CUL4A: variants seen among roughly 807,000 people sequenced by gnomAD.
The protein encoded by CUL4A is cullin-4A.
A neutral mutation model predicts 95.5 loss-of-function variants in CUL4A; 16 were observed. That is an observed-to-expected ratio of 0.17 (90% CI 0.11 to 0.25). The LOEUF (loss-of-function observed/expected upper bound fraction) is 0.25, where lower values mean the gene tolerates loss of function less well. Ranked by LOEUF, CUL4A falls within the 10% of genes least tolerant of loss-of-function variation. CUL4A has a pLI of 1.00. For synonymous variants in CUL4A, 380 were observed against 353.1 expected (o/e 1.08, Z -0.85); for missense variants, 610 against 937.0 (o/e 0.65, Z 4.56).
In CUL4A at chr13:113,233,276, G is replaced by A. The variant is rs539198540; in HGVS notation, c.612G>A (p.Arg204=). The change falls in exon 6 of 20, where the codon AGG becomes AGA. Residue 204 remains arginine, a synonymous_variant. Coordinates refer to ENST00000375440, the MANE Select transcript of CUL4A (RefSeq NM_001008895.4). ...TCCTACTGCTGATCGAGCGCGAGAG[G>A]AGCGGCGAGGCCGTGGACCGGAGCC... ...DGILLLIERE[R]SGEAVDRSLL... 21 of 1,613,966 alleles carry A rather than the reference G, an allele frequency of 1.3e-5. No homozygotes were observed. In the South Asian group the frequency reaches 2.2e-4, roughly 17 times the overall value.
intron 15 of CUL4A, among the ~76,000 whole-genome samples, chr13:113,249,472 G>C (rs981568946): frequency 6.6e-6 from 1 of 152,168 alleles, no homozygotes; most frequent in African/African-American, 2.4e-5. Flanking sequence ...ACATTGTATC[G>C]ATAGGTCACA....
At chr13:113,242,241 G>A (rs945542473) in intron 10 of CUL4A, among the ~76,000 whole-genome samples, 6 of 151,744 alleles carry the variant, frequency 4.0e-5, no homozygotes, top group African/African-American at 9.7e-5. Flanking sequence ...CTCCAGCCTG[G>A]TGACAAAGCG....
At chr13:113,229,355 T>C in intron 4 of CUL4A, 91 bp from the exon 5 acceptor site, 3 of 1,048,234 alleles carry the variant, frequency 2.9e-6, no homozygotes, top group Non-Finnish European at 4.3e-6. Flanking sequence ...GCTGTTGGAT[T>C]TGAGACAGCT....
intron 2 of CUL4A, among the ~76,000 whole-genome samples, chr13:113,217,136 T>G (rs1472867405): frequency 6.6e-6 from 1 of 152,176 alleles, no homozygotes; most frequent in Non-Finnish European, 1.5e-5. Flanking sequence ...TACTGTTGAT[T>G]TTTGCTGAAG....
intron 10 of CUL4A, among the ~76,000 whole-genome samples, chr13:113,241,893 G>A (rs1426006576): frequency 9.2e-5 from 14 of 151,996 alleles, no homozygotes; most frequent in Admixed American, 3.3e-4. Context: ...CTATTGAGAC[G>A]AATTTTTTAA....
rs549940799 is a variant in CUL4A at position 113,213,528 on chromosome 13, A to C, written c.264+3440A>C. On this transcript the variant is annotated intron_variant, in intron 2 of 19. Coordinates refer to ENST00000375440, the MANE Select transcript of CUL4A (RefSeq NM_001008895.4). Reference sequence around the variant, plus strand: ...CTCTCAGAGGTCTTTGGTTTAATAAAATATGATACCTTACAGCTAAAGCTT... The same window carrying C: ...CTCTCAGAGGTCTTTGGTTTAATAACATATGATACCTTACAGCTAAAGCTT... Among the ~76,000 whole-genome samples the C allele has an allele frequency of 5.1e-4, 77 of 152,348 alleles. 1 individual carries two copies. The highest frequency in any genetic ancestry group is 4.1e-4 in the South Asian group (2 of 4,826).
intron 18 of CUL4A, 31 bp downstream of exon 18, chr13:113,255,156 G>A (rs766960113): frequency 2.6e-6 from 4 of 1,540,096 alleles, no homozygotes; most frequent in South Asian, 2.4e-5. Flanking sequence ...TTTACTTATA[G>A]GGGGTTTAGC....
rs530951176 is a variant in CUL4A at position 113,243,588 on chromosome 13, A to T, written c.1228+428A>T. 2.5e-4 allele frequency among the ~76,000 whole-genome samples: 38 copies of T among 150,646 alleles called. 1 individual carries two copies. In the South Asian group the frequency reaches 6.7e-3, roughly 27 times the overall value. On this transcript the variant is annotated intron_variant, in intron 11 of 19. Transcript: ENST00000375440. ...TCATAGGCTTTCTCTAGTCAGTAAA[A>T]TTTTTTTTTTAATTCGAAGGAGAAA...
intron 3 of CUL4A, among the ~76,000 whole-genome samples, chr13:113,220,997 G>A (rs1023096208): frequency 3.9e-5 from 6 of 152,232 alleles, no homozygotes; most frequent in Non-Finnish European, 8.8e-5. Flanking sequence ...AAGATCTTGA[G>A]TTGAGAACTG....
chr13:113,254,843 G>A (rs2139283640), intron 17 of CUL4A, 45 bp downstream of exon 17: 6 of 1,580,418 alleles, frequency 3.8e-6, no homozygotes, highest in Non-Finnish European at 5.2e-6. Flanking sequence ...TGTTCTTAAA[G>A]CATGTATTTG....
chr13:113,229,776 G>T, intron 5 of CUL4A: 1 of 482,574 alleles, frequency 2.1e-6, no homozygotes, highest in African/African-American at 2.0e-5. Flanking sequence ...GAAGACAGAG[G>T]GTCTTGGTTT....
In CUL4A at chr13:113,229,502, C is replaced by T. The variant is rs535478472; in HGVS notation, c.495C>T (p.Ser165=). 12 of 1,613,452 alleles carry T rather than the reference C, an allele frequency of 7.4e-6. No homozygotes were observed. The East Asian group carries it at 2.5e-4, about 33-fold the overall frequency. Residue 165 remains serine, a synonymous_variant, in exon 5 of 20, where the codon TCC becomes TCT. Coordinates refer to ENST00000375440, the MANE Select transcript of CUL4A (RefSeq NM_001008895.4). The part of the protein sequence containing the change: ...FLDRTYVLQN[S]TLPSIWDMGL... ...ACCGCACCTATGTGCTGCAGAACTCCACGCTGCCCTCCATCTGGTGAGTGT... is the reference window on the plus strand; with the variant it reads ...ACCGCACCTATGTGCTGCAGAACTCTACGCTGCCCTCCATCTGGTGAGTGT...
At chr13:113,222,964 G>A (rs1870403408) in intron 3 of CUL4A, among the ~76,000 whole-genome samples, 1 of 152,178 alleles carries the variant, frequency 6.6e-6, no homozygotes, top group African/African-American at 2.4e-5. Context: ...GAAGATGAGA[G>A]GAGAACCTGG....
At chr13:113,212,839 T>G (rs8001506) in intron 2 of CUL4A, among the ~76,000 whole-genome samples, 37,122 of 152,094 alleles carry the variant, frequency 0.24, 5,246 homozygotes, top group East Asian at 0.55. Context: ...ATGTCCAGTT[T>G]TTCAGTCTCT....
chr13:113,210,151 C>A (rs1373563550), intron 2 of CUL4A, 63 bp downstream of exon 2: 8 of 1,171,790 alleles, frequency 6.8e-6, no homozygotes, highest in African/African-American at 6.5e-5. Flanking sequence ...CGCGGCCGGG[C>A]GGCCGCTCCG....
rs2139284216 is a variant in CUL4A, at chr13:113,254,954, G to C, written c.1860G>C (p.Glu620Asp). The change falls in exon 18 of 20, where the codon GAG becomes GAC. Residue 620 changes from glutamate to aspartate, a missense_variant and splice_region_variant. Transcript: ENST00000375440. ...TGCCTGCATTTGCTTCCCATTCAGA[G>C]GATAGTGAATTGCGCAGAACGCTGC... ...FEEIKMATGI[E>D]DSELRRTLQS... The C allele has an allele frequency of 3.1e-6, 5 of 1,610,494 alleles. No homozygotes were observed. The highest frequency in any genetic ancestry group is 4.2e-6 in the Non-Finnish European group (5 of 1,178,126).
At position 113,233,359 on chromosome 13, in the gene CUL4A, A is replaced by G; in HGVS notation, c.675+20A>G. 6.2e-7 allele frequency: 1 copy of G among 1,606,664 alleles called. No homozygotes were observed. The highest frequency in any genetic ancestry group is 1.7e-5 in the Admixed American group (1 of 59,114). On this transcript the variant is annotated intron_variant, in intron 6 of 19. Coordinates refer to ENST00000375440, the MANE Select transcript of CUL4A (RefSeq NM_001008895.4). ...CTGCAGGTGAGTGCTGCCTGTGCGGAAGATACCTGGGTACCTGCCCAGCTA... is the reference window on the plus strand; with the variant it reads ...CTGCAGGTGAGTGCTGCCTGTGCGGGAGATACCTGGGTACCTGCCCAGCTA...
intron 15 of CUL4A, among the ~76,000 whole-genome samples, chr13:113,248,063 C>T (rs540067759): frequency 8.5e-5 from 13 of 152,222 alleles, no homozygotes; most frequent in African/African-American, 2.2e-4. Context: ...TGGTGACATT[C>T]GATAGGATCC....
At chr13:113,230,099 A>T (rs1306527612) in intron 5 of CUL4A, 1 of 175,004 alleles carries the variant, frequency 5.7e-6, no homozygotes, top group Admixed American at 6.3e-5. Flanking sequence ...CGCCTCCTGC[A>T]AGCCGACTTT....
Sources: gnomAD v4.1 joint callset for allele counts (sites outside exome capture counted in the v4.1 genomes callset) on GRCh38, gnomAD v4.1.1 for gene constraint, MANE v1.5 for transcripts, NCBI Gene and HGNC (gene_info 2026-07-23, HGNC 2026-07-21) for gene names.